Variants in NDUFS8 observed in about 807,000 individuals in gnomAD.
NDUFS8 encodes the protein NADH dehydrogenase [ubiquinone] iron-sulfur protein 8, mitochondrial.
In NDUFS8, 13 loss-of-function variants were observed where a neutral mutation model predicts 25.6. The ratio of observed to expected loss-of-function variants is 0.51; its 90% confidence interval spans 0.33 to 0.81. NDUFS8 has a LOEUF of 0.81. Among genes scored for constraint, NDUFS8 ranks in the 30% least tolerant of loss-of-function variants. The pLI is 0.02. For synonymous variants in NDUFS8, 119 were observed against 119.4 expected, an observed-to-expected ratio of 1.00 and a Z score of 0.02; for missense variants, 257 against 300.9, an observed-to-expected ratio of 0.85 and a Z score of 1.08.
intron 1 of NDUFS8, chr11:68,031,017 G>A (rs1247424284): frequency 2.8e-6 from 1 of 359,744 alleles, no homozygotes; most frequent in African/African-American, 2.2e-5. Context: ...CCAAAGGAGT[G>A]GGCCTGTTAG....
In NDUFS8 at chr11:68,031,652, C is replaced by A. The variant is rs574119631; in HGVS notation, c.1-500C>A. The A allele has an allele frequency of 5.2e-5, 13 of 248,204 alleles. No individual in the cohort carries two copies. The South Asian group carries it at 5.5e-4, about 11-fold the overall frequency. The allele number at this position is 248,204 out of a possible 1,614,324, so 15.4% of individuals were successfully genotyped here. A position where few individuals can be genotyped will look rare whatever the true frequency, so the allele number is the denominator to read the frequency against. ...CGTGAGCCACCACACCCAGCCCTAG[C>A]GAGTCACTCAACAAACTGAGTCCCA... is the stretch of plus-strand genomic sequence containing the variant. On this transcript the variant is annotated intron_variant, in intron 1 of 6. Coordinates refer to ENST00000313468, the MANE Select transcript of NDUFS8 (RefSeq NM_002496.4).
chr11:68,033,690 C>G (rs888490616), intron 5 of NDUFS8: 4 of 308,028 alleles, frequency 1.3e-5, no homozygotes, highest in African/African-American at 6.5e-5. Context: ...CCCGGCTTTC[C>G]GTTCTCTTAG....
intron 5 of NDUFS8, chr11:68,033,985 A>G (rs544391827): frequency 6.4e-6 from 1 of 155,812 alleles, no homozygotes; most frequent in South Asian, 2.0e-4. Flanking sequence ...AGTGTCCCCA[A>G]ACAGCAGTCA....
intron 5 of NDUFS8, chr11:68,035,668 C>T (rs931401841): frequency 1.1e-5 from 5 of 455,482 alleles, no homozygotes; most frequent in South Asian, 1.6e-5. Context: ...CTGAACAAAG[C>T]GGTGAACAGC....
intron 3 of NDUFS8, chr11:68,032,683 G>A (rs1046859167): frequency 2.1e-5 from 18 of 848,640 alleles, no homozygotes; most frequent in Non-Finnish European, 2.9e-5. Context: ...TGTTGGGCAG[G>A]GAAGTGCGTC....
chr11:68,034,996 G>T (rs1854857622), intron 5 of NDUFS8: 1 of 152,084 alleles, frequency 6.6e-6, no homozygotes, highest in Non-Finnish European at 1.5e-5. Flanking sequence ...TTGAACCTGG[G>T]AGGCGGAGGT....
intron 3 of NDUFS8, 48 bp downstream of exon 3, chr11:68,032,384 G>C (rs1235882424): frequency 3.1e-6 from 5 of 1,612,256 alleles, no homozygotes; most frequent in Non-Finnish European, 4.2e-6. Flanking sequence ...GACTGGTCCT[G>C]CTGGAGTAGG....
At chr11:68,032,070 A>G (rs1347216732) in intron 1 of NDUFS8, 82 bp from the exon 2 acceptor site, 2 of 1,598,766 alleles carry the variant, frequency 1.3e-6, no homozygotes, top group African/African-American at 2.7e-5. Flanking sequence ...GTCAGTGGAG[A>G]CTTGGGATCC....
chr11:68,035,448 A>G (rs1294050077), intron 5 of NDUFS8, among the ~76,000 whole-genome samples: 2 of 152,166 alleles, frequency 1.3e-5, no homozygotes, highest in African/African-American at 4.8e-5. Flanking sequence ...AAAAACAACA[A>G]CAAAAACTTT....
chr11:68,035,895 TGTA>T (rs1414742050), intron 5 of NDUFS8: 2 of 369,684 alleles, frequency 5.4e-6, no homozygotes, highest in Non-Finnish European at 5.3e-6. Context: ...GATGCACACT[TGTA>T]GTCCCAGCTA....
At chr11:68,030,965 G>T (rs1301402668) in intron 1 of NDUFS8, 3 of 438,916 alleles carry the variant, frequency 6.8e-6, no homozygotes, top group African/African-American at 4.1e-5. Context: ...TGGGAAGGTG[G>T]GGAAGGTGCT....
chr11:68,030,831 G>T, intron 1 of NDUFS8, 98 bp downstream of exon 1: 1 of 414,638 alleles, frequency 2.4e-6, no homozygotes, highest in Non-Finnish European at 4.9e-6. Context: ...TCTGCGCCTG[G>T]GCTTCCCCTC....
intron 3 of NDUFS8, 98 bp from the exon 4 acceptor site, chr11:68,032,825 T>G (rs1333578682): frequency 8.4e-7 from 1 of 1,191,672 alleles, no homozygotes; most frequent in East Asian, 2.4e-5. Flanking sequence ...AGCCCAGCAG[T>G]TGCACCTGGA....
Position 68,036,318 on chromosome 11 carries a change from C to T in NDUFS8, c.438C>T (p.Asp146=). ...GSRRTTRYDI[D]MTKCIYCGFC... is the part of the protein sequence containing the mutation. ...GCCGGACCACCCGCTATGACATCGA[C>T]ATGACCAAGTGCATCTACTGCGGCT... The change falls in exon 6 of 7, where the codon GAC becomes GAT. Residue 146 remains aspartate (D), a synonymous_variant. Transcript: ENST00000313468. 6.2e-7 allele frequency: 1 copy of T among 1,613,700 alleles called. No homozygotes were observed. The highest frequency in any genetic ancestry group is 8.5e-7 in the Non-Finnish European group (1 of 1,180,000).
intron 5 of NDUFS8, 117 bp from the exon 6 acceptor site, chr11:68,036,136 C>G (rs1198205519): frequency 3.9e-6 from 6 of 1,546,942 alleles, no homozygotes; most frequent in African/African-American, 1.4e-5. Flanking sequence ...GTCCAGGAGG[C>G]CTTTGAGGGG....
At chr11:68,034,878 G>T (rs991795782) in intron 5 of NDUFS8, 3 of 152,140 alleles carry the variant, frequency 2.0e-5, no homozygotes, top group African/African-American at 4.8e-5. Flanking sequence ...AGACCAGCCT[G>T]GCCAACATGT....
At chr11:68,035,834 A>G (rs565006595) in intron 5 of NDUFS8, 43 of 401,034 alleles carry the variant, frequency 1.1e-4, no homozygotes, top group Non-Finnish European at 1.8e-4. Context: ...CCTGGTCTAC[A>G]TGGTGAAACC....
At position 68,036,342 on chromosome 11, in the gene NDUFS8, C is replaced by T. The variant is rs753648233; in HGVS notation, c.462C>T (p.Gly154=). ...ACATGACCAAGTGCATCTACTGCGGCTTCTGCCAGGAGGCCTGTCCCGTGG... is the reference window on the plus strand; with the variant it reads ...ACATGACCAAGTGCATCTACTGCGGTTTCTGCCAGGAGGCCTGTCCCGTGG... ...DIDMTKCIYC[G]FCQEACPVDA... is the part of the protein sequence containing the mutation. Residue 154 remains glycine, a synonymous_variant, in exon 6 of 7, where the codon GGC becomes GGT. Coordinates refer to ENST00000313468, the MANE Select transcript of NDUFS8 (RefSeq NM_002496.4). 5 of 1,613,684 alleles carry T rather than the reference C, an allele frequency of 3.1e-6. No individual in the cohort carries two copies. The South Asian group carries it at 3.3e-5, about 11-fold the overall frequency.
intron 5 of NDUFS8, chr11:68,035,795 G>A (rs769522047): frequency 5.2e-5 from 23 of 442,784 alleles, no homozygotes; most frequent in East Asian, 2.1e-4. Context: ...CAAGGTAAGC[G>A]GATCACAAGG....
Sources: allele counts gnomAD v4.1 joint callset (sites outside exome capture counted in the v4.1 genomes callset), GRCh38; gene constraint gnomAD v4.1.1; transcripts MANE v1.5; gene names NCBI Gene and HGNC (gene_info 2026-07-23, HGNC 2026-07-21).